Variants in PAK2 observed in about 807,000 individuals in gnomAD.
PAK2 encodes the protein serine/threonine-protein kinase PAK 2.
PAK2 carries 21 observed loss-of-function variants against 65.9 expected under a neutral mutation model. The observed-to-expected ratio is 0.32, with a 90% CI of 0.23 to 0.46. The LOEUF (loss-of-function observed/expected upper bound fraction) is 0.46, where lower values mean the gene tolerates loss of function less well. Among genes scored for constraint, PAK2 ranks in the 20% least tolerant of loss-of-function variants. PAK2 has a pLI of 1.00. For missense variants in PAK2, 324 were observed against 642.6 expected (o/e 0.50, Z 5.36); for synonymous variants, 204 against 219.7 (o/e 0.93, Z 0.63).
chr3:196,782,394 A>T (rs2108739669), intron 1 of PAK2, among the ~76,000 whole-genome samples: 1 of 152,148 alleles, frequency 6.6e-6, no homozygotes, highest in East Asian at 1.9e-4. Flanking sequence ...TAGTACCATG[A>T]TGTTTCCATT....
At chr3:196,790,677 C>G (rs993460875) in intron 2 of PAK2, among the ~76,000 whole-genome samples, 2 of 152,224 alleles carry the variant, frequency 1.3e-5, no homozygotes, top group African/African-American at 4.8e-5. Flanking sequence ...TTATGCTTGT[C>G]AGTCCAGCTG....
chr3:196,827,254 C>G lies in PAK2; in HGVS notation c.1409C>G (p.Ser470Cys), dbSNP rs1221732915. ...TPELQNPEKL[S>C]PIFRDFLNRC... ...GAACTTCAGAATCCAGAGAAACTTTCCCCAATATTTCGGGATTTCTTAAAT... is the reference window on the plus strand; with the variant it reads ...GAACTTCAGAATCCAGAGAAACTTTGCCCAATATTTCGGGATTTCTTAAAT... The change falls in exon 14 of 15, where the codon TCC becomes TGC. Residue 470 changes from serine (S) to cysteine (C), a missense_variant. Transcript: ENST00000327134. 1.2e-6 allele frequency: 2 copies of G among 1,611,588 alleles called. No homozygotes were observed. Among genetic ancestry groups the G allele is most frequent in the South Asian group, 2.2e-5 (2 of 90,972 alleles).
chr3:196,792,804 A>AAAT (rs1553805658), intron 2 of PAK2, among the ~76,000 whole-genome samples: 30 of 150,872 alleles, frequency 2.0e-4, no homozygotes, highest in South Asian at 1.7e-3. Context: ...GACAGAAAAA[A>AAAT]ATATATATAT....
In PAK2 at chr3:196,818,086, T is replaced by A. The variant is rs1267031237; in HGVS notation, c.1083T>A (p.Ala361=). The change falls in exon 12 of 15, where the codon GCT becomes GCA. Residue 361 remains alanine, a synonymous_variant. Coordinates refer to ENST00000327134, the MANE Select transcript of PAK2 (RefSeq NM_002577.4). The part of the protein sequence containing the change: ...ECLQALEFLH[A]NQVIHRDIKS... ...TACAGGCATTGGAGTTTTTACATGC[T>A]AATCAAGTGATCCACAGAGACATCA... 1 of 1,520,442 alleles carries A rather than the reference T, an allele frequency of 6.6e-7. No individual in the cohort carries two copies. Among genetic ancestry groups the A allele is most frequent in the Middle Eastern group, 1.7e-4 (1 of 5,758 alleles). 94.2% of individuals were successfully genotyped at this position (1,520,442 alleles called of 1,614,324 possible).
At chr3:196,742,887 T>G (rs553236925) in intron 1 of PAK2, among the ~76,000 whole-genome samples, 1 of 152,282 alleles carries the variant, frequency 6.6e-6, no homozygotes, top group East Asian at 1.9e-4. Context: ...GCCACTGCAC[T>G]CCCGCCTGGG....
At chr3:196,746,018 G>A (rs192423936) in intron 1 of PAK2, among the ~76,000 whole-genome samples, 37 of 149,340 alleles carry the variant, frequency 2.5e-4, no homozygotes, top group Non-Finnish European at 4.9e-4. Context: ...TTTTAAAGAC[G>A]GGGTTTCACC....
At chr3:196,772,761 G>A (rs150649083) in intron 1 of PAK2, among the ~76,000 whole-genome samples, 184 of 152,198 alleles carry the variant, frequency 1.2e-3, no homozygotes, top group African/African-American at 4.2e-3. Flanking sequence ...TGTTTTTGAC[G>A]GGGCAGGTGG....
chr3:196,779,716 A>C (rs1577716449), intron 1 of PAK2, among the ~76,000 whole-genome samples: 1 of 152,104 alleles, frequency 6.6e-6, no homozygotes, highest in East Asian at 1.9e-4. Flanking sequence ...TCTGTTACCC[A>C]CGCTGGAGTA....
intron 13 of PAK2, among the ~76,000 whole-genome samples, chr3:196,822,557 G>T (rs1033167903): frequency 6.6e-6 from 1 of 152,100 alleles, no homozygotes; most frequent in Non-Finnish European, 1.5e-5. Flanking sequence ...AAGCATGTTA[G>T]TGTGTGCCTG....
chr3:196,743,365 A>C (rs1451102376), intron 1 of PAK2, among the ~76,000 whole-genome samples: 1 of 152,196 alleles, frequency 6.6e-6, no homozygotes. Context: ...CAAGATATAC[A>C]TTCTTTTCAA....
rs1482512594 is a variant in PAK2, at chr3:196,740,001, TAGC to T, written c.-174_-172del. The T allele has an allele frequency of 6.6e-6, 1 of 151,076 alleles. No individual in the cohort carries two copies. Among genetic ancestry groups the T allele is most frequent in the African/African-American group, 2.4e-5 (1 of 41,044 alleles). 9.4% of individuals were successfully genotyped at this position (151,076 alleles called of 1,614,324 possible). A position where few individuals can be genotyped will look rare whatever the true frequency, so the allele number is the denominator to read the frequency against. Reference sequence around the variant, plus strand: ...ACTCCGCCGCCGCTGGGCCTAGCGGTAGCAGCGGCTGCTCCAGCGCGGCGTCTC... The same window carrying T: ...ACTCCGCCGCCGCTGGGCCTAGCGGTAGCGGCTGCTCCAGCGCGGCGTCTC... On this transcript the variant is annotated 5_prime_UTR_variant, in exon 1 of 15. Coordinates refer to ENST00000327134, the MANE Select transcript of PAK2 (RefSeq NM_002577.4).
intron 13 of PAK2, among the ~76,000 whole-genome samples, chr3:196,823,542 C>G (rs1316130775): frequency 6.6e-6 from 1 of 150,748 alleles, no homozygotes; most frequent in Admixed American, 6.9e-5. Flanking sequence ...GCTGGATCCC[C>G]GCAAACAAAC....
At chr3:196,825,864 A>G (rs1711845516) in intron 13 of PAK2, among the ~76,000 whole-genome samples, 1 of 152,082 alleles carries the variant, frequency 6.6e-6, no homozygotes, top group African/African-American at 2.4e-5. Context: ...TATTTTTGAG[A>G]CAGAGTCTTG....
chr3:196,792,179 G>A (rs974848366), intron 2 of PAK2, among the ~76,000 whole-genome samples: 10 of 152,134 alleles, frequency 6.6e-5, no homozygotes, highest in African/African-American at 1.2e-4. Context: ...GAAAGGTGAG[G>A]GAAGTTTCCA....
chr3:196,810,493 T>TA (rs1715739713), intron 7 of PAK2, 97 bp from the exon 8 acceptor site: 2 of 740,098 alleles, frequency 2.7e-6, no homozygotes, highest in Non-Finnish European at 4.8e-6. Flanking sequence ...GAAAATCACT[T>TA]ATAAAAACAG....
At chr3:196,751,918 T>A (rs973305546) in intron 1 of PAK2, among the ~76,000 whole-genome samples, 3 of 151,186 alleles carry the variant, frequency 2.0e-5, no homozygotes, top group Non-Finnish European at 4.4e-5. Context: ...AATTTTTGTA[T>A]TTTGAGTAGA....
intron 5 of PAK2, 98 bp downstream of exon 5, chr3:196,805,481 C>G: frequency 1.6e-6 from 1 of 628,390 alleles, no homozygotes; most frequent in Non-Finnish European, 2.7e-6. Flanking sequence ...AAATTACAGC[C>G]ATCAGAGGTA....
In PAK2 at chr3:196,828,551, C is replaced by CAAG. The variant is rs1287234344; in HGVS notation, c.*148_*150dup. 7.9e-6 allele frequency: 5 copies of CAAG among 635,242 alleles called. No individual in the cohort carries two copies. The highest frequency in any genetic ancestry group is 1.4e-5 in the Non-Finnish European group (5 of 358,728). 39.4% of individuals were successfully genotyped at this position (635,242 alleles called of 1,614,324 possible). On this transcript the variant is annotated 3_prime_UTR_variant, in exon 15 of 15. Transcript: ENST00000327134. ...CAAATGACTATTCTCTGAAGACAAC[C>CAAG]AAGAGAAAATTGCAAAAAGACAAGT...
chr3:196,819,373 C>T (rs150702109), intron 12 of PAK2, among the ~76,000 whole-genome samples: 111 of 152,238 alleles, frequency 7.3e-4, no homozygotes, highest in South Asian at 2.9e-3. Flanking sequence ...GCACAGGAGG[C>T]AGAGGTTGCC....
Sources: allele counts gnomAD v4.1 joint callset (sites outside exome capture counted in the v4.1 genomes callset), GRCh38; gene constraint gnomAD v4.1.1; transcripts MANE v1.5; gene names NCBI Gene and HGNC (gene_info 2026-07-23, HGNC 2026-07-21).